Variants in GFRA2 observed in about 807,000 individuals in gnomAD.
GFRA2 encodes the protein GDNF family receptor alpha 2.
A neutral mutation model predicts 48.3 loss-of-function variants in GFRA2; 17 were observed. That is an observed-to-expected ratio of 0.35 (90% CI 0.24 to 0.53). GFRA2 has a LOEUF of 0.53. GFRA2 is among the 20% of genes least tolerant of loss of function. GFRA2 has a pLI of 0.93. For synonymous variants in GFRA2, 305 were observed against 257.2 expected (o/e 1.19, Z -1.78); for missense variants, 660 against 637.3 (o/e 1.04, Z -0.38).
At chr8:21,766,987 T>C (rs1248179970) in intron 3 of GFRA2, among the ~76,000 whole-genome samples, 2 of 112,020 alleles carry the variant, frequency 1.8e-5, no homozygotes, top group Admixed American at 9.3e-5. Context: ...ACTTACTACA[T>C]ACCACACACA....
At chr8:21,773,151 G>A (rs1163526425) in intron 3 of GFRA2, among the ~76,000 whole-genome samples, 1 of 152,230 alleles carries the variant, frequency 6.6e-6, no homozygotes, top group Non-Finnish European at 1.5e-5. Context: ...GAATCAGAAT[G>A]CCTGTGCGGG....
At chr8:21,755,500 G>T (rs995959919) in intron 3 of GFRA2, among the ~76,000 whole-genome samples, 7 of 152,208 alleles carry the variant, frequency 4.6e-5, no homozygotes, top group African/African-American at 1.7e-4. Flanking sequence ...CCTACTATGT[G>T]CCAGGCACTT....
intron 4 of GFRA2, among the ~76,000 whole-genome samples, chr8:21,715,891 G>A (rs774462203): frequency 2.0e-5 from 3 of 152,192 alleles, no homozygotes; most frequent in African/African-American, 7.2e-5. Context: ...GAGAGAGAGA[G>A]AACGAGAGAG....
At chr8:21,811,863 C>T (rs887641628) in intron 1 of GFRA2, among the ~76,000 whole-genome samples, 1 of 152,176 alleles carries the variant, frequency 6.6e-6, no homozygotes, top group African/African-American at 2.4e-5. Context: ...CTCACAGACC[C>T]TTGCCCATTT....
chr8:21,699,240 G>A (rs1465655258), intron 7 of GFRA2, among the ~76,000 whole-genome samples: 3 of 152,238 alleles, frequency 2.0e-5, no homozygotes, highest in Non-Finnish European at 4.4e-5. Context: ...AGGTCTGTGT[G>A]CTGGGTATGA....
intron 1 of GFRA2, among the ~76,000 whole-genome samples, chr8:21,806,210 G>C (rs1236277175): frequency 6.6e-6 from 1 of 152,138 alleles, no homozygotes; most frequent in African/African-American, 2.4e-5. Context: ...ACTTCTGATG[G>C]TTCAACTTTC....
chr8:21,771,391 T>C (rs1481811551), intron 3 of GFRA2, among the ~76,000 whole-genome samples: 1 of 152,170 alleles, frequency 6.6e-6, no homozygotes, highest in East Asian at 1.9e-4. Flanking sequence ...GGGAAGGATA[T>C]GTGGACACGT....
At chr8:21,739,288 C>T (rs1804635964) in intron 4 of GFRA2, among the ~76,000 whole-genome samples, 1 of 152,178 alleles carries the variant, frequency 6.6e-6, no homozygotes, top group African/African-American at 2.4e-5. Flanking sequence ...TGCCCACTCA[C>T]CTCCAACACC....
At chr8:21,739,874 G>T (rs1421380184) in intron 4 of GFRA2, among the ~76,000 whole-genome samples, 1 of 152,220 alleles carries the variant, frequency 6.6e-6, no homozygotes, top group African/African-American at 2.4e-5. Flanking sequence ...TCTCTAAGGG[G>T]CTGGGCCATC....
intron 4 of GFRA2, among the ~76,000 whole-genome samples, chr8:21,718,346 A>G (rs1166185311): frequency 6.6e-6 from 1 of 152,210 alleles, no homozygotes; most frequent in Non-Finnish European, 1.5e-5. Flanking sequence ...AGGCTTCCCC[A>G]GCCATATGGA....
chr8:21,803,909 C>T (rs1177615811), intron 2 of GFRA2, among the ~76,000 whole-genome samples: 2 of 152,148 alleles, frequency 1.3e-5, no homozygotes, highest in Non-Finnish European at 2.9e-5. Flanking sequence ...GTGCATGGCC[C>T]ATAGCTAACA....
intron 2 of GFRA2, among the ~76,000 whole-genome samples, chr8:21,795,357 TTTTTTTC>T (rs1259488153): frequency 1.4e-4 from 21 of 151,612 alleles, no homozygotes; most frequent in South Asian, 2.1e-4. Context: ...CATTGTCTTT[TTTTTTTC>T]TTTTTTCTTT....
At chr8:21,765,116 T>C (rs1316985291) in intron 3 of GFRA2, among the ~76,000 whole-genome samples, 1 of 139,528 alleles carries the variant, frequency 7.2e-6, no homozygotes, top group Non-Finnish European at 1.5e-5. Context: ...ATTTTTTATT[T>C]ATTTATTTTT....
chr8:21,792,778 C>T (rs1372702215), upstream of GFRA2, among the ~76,000 whole-genome samples: 1 of 152,188 alleles, frequency 6.6e-6, no homozygotes, highest in African/African-American at 2.4e-5. Flanking sequence ...AGAAAGTTCT[C>T]AGGAGGCTGG....
chr8:21,717,825 C>CA (rs889071364), intron 4 of GFRA2, among the ~76,000 whole-genome samples: 16 of 152,180 alleles, frequency 1.1e-4, no homozygotes, highest in African/African-American at 3.9e-4. Flanking sequence ...AGGACACAAC[C>CA]AAGACCTCAG....
intron 4 of GFRA2, among the ~76,000 whole-genome samples, chr8:21,707,471 G>A (rs953731701): frequency 4.6e-5 from 7 of 152,136 alleles, no homozygotes; most frequent in African/African-American, 9.7e-5. Flanking sequence ...ATGCAGACAC[G>A]GGCTGAGTAT....
In GFRA2 at chr8:21,750,258, C is replaced by T. The variant is rs191128876; in HGVS notation, c.794+330G>A. 6.6e-6 allele frequency among the ~76,000 whole-genome samples: 1 copy of T among 152,166 alleles called. No homozygotes were observed. Among genetic ancestry groups the T allele is most frequent in the Admixed American group, 6.5e-5 (1 of 15,282 alleles). On this transcript the variant is annotated intron_variant, in intron 4 of 8. Transcript: ENST00000524240. This position sits in a 1 kb window ranked among gnomAD's most constrained non-coding sequence, Gnocchi z 5.7. ...CACCCAAAGGTCTCTCATTCCAAGA[C>T]TCAAGGAGTCTGTGGTTTTAAATTA...
chr8:21,743,560 C>T (rs1290777790), intron 4 of GFRA2, among the ~76,000 whole-genome samples: 1 of 152,220 alleles, frequency 6.6e-6, no homozygotes, highest in Non-Finnish European at 1.5e-5. Context: ...CAAGGACAAG[C>T]TCTACCTACT....
At chr8:21,760,084 T>C (rs1186007920) in intron 3 of GFRA2, among the ~76,000 whole-genome samples, 1 of 152,028 alleles carries the variant, frequency 6.6e-6, no homozygotes, top group African/African-American at 2.4e-5. Context: ...GCTTGGCACG[T>C]TCCTAATCAA....
Sources: gnomAD v4.1 joint callset for allele counts (sites outside exome capture counted in the v4.1 genomes callset) on GRCh38, gnomAD v4.1.1 for gene constraint, Gnocchi (gnomAD v3.1) non-coding constraint, MANE v1.5 for transcripts, NCBI Gene and HGNC (gene_info 2026-07-23, HGNC 2026-07-21) for gene names.